The following LRRC75A variants were observed in gnomAD, a reference collection of about 807,000 sequenced individuals.
LRRC75A encodes the protein leucine-rich repeat-containing protein 75A.
Under a neutral mutation model 26.0 loss-of-function variants are expected in LRRC75A, and 12 were observed. That is an observed-to-expected ratio of 0.46 (90% CI 0.30 to 0.75). LRRC75A has a LOEUF of 0.75. Among genes scored for constraint, LRRC75A ranks in the 30% least tolerant of loss-of-function variants. The pLI, the probability that LRRC75A is intolerant of heterozygous loss-of-function variation, is 0.08. For missense variants in LRRC75A, 410 were observed against 486.6 expected (o/e 0.84, Z 1.48); for synonymous variants, 223 against 219.3 (o/e 1.02, Z -0.15).
At chr17:16,475,361 C>G (rs1299875889) in intron 1 of LRRC75A, among the ~76,000 whole-genome samples, 1 of 152,132 alleles carries the variant, frequency 6.6e-6, no homozygotes, top group Non-Finnish European at 1.5e-5. Context: ...AAGGAATTGG[C>G]TCACATGATT....
intron 2 of LRRC75A, among the ~76,000 whole-genome samples, chr17:16,452,494 G>A (rs2093641056): frequency 6.6e-6 from 1 of 151,758 alleles, no homozygotes; most frequent in African/African-American, 2.4e-5. Context: ...CTGGAGTGCA[G>A]TGGCGCGGTC....
intron 2 of LRRC75A, among the ~76,000 whole-genome samples, chr17:16,455,159 C>T (rs932564289): frequency 8.5e-5 from 13 of 152,050 alleles, no homozygotes; most frequent in African/African-American, 3.1e-4. Flanking sequence ...TCTTGAACTC[C>T]TGACCTCAGA....
rs373456712 is a variant in LRRC75A, at chr17:16,462,366, G to T, written c.267C>A (p.Thr89=). 5 of 1,613,992 alleles carry T rather than the reference G, an allele frequency of 3.1e-6. No individual in the cohort carries two copies. Among genetic ancestry groups the T allele is most frequent in the Non-Finnish European group, 4.2e-6 (5 of 1,180,032 alleles). The part of the protein sequence containing the change: ...HLRQDLGMES[T]SLDDVLYRYA... ...AGCGATACAGAACGTCGTCTAGCGAGGTCGACTCCATGCCCAGGTCCTGCA... is the reference window on the plus strand; with the variant it reads ...AGCGATACAGAACGTCGTCTAGCGATGTCGACTCCATGCCCAGGTCCTGCA... The change falls in exon 2 of 4, where the codon ACC becomes ACA. Residue 89 remains threonine, a synonymous_variant. Coordinates refer to ENST00000470794, the MANE Select transcript of LRRC75A (RefSeq NM_001113567.3). This position sits in a 1 kb window ranked among gnomAD's most constrained non-coding sequence, Gnocchi z 4.6.
chr17:16,471,711 CCTTTAAA>C (rs1403591313), intron 1 of LRRC75A, among the ~76,000 whole-genome samples: 1 of 152,142 alleles, frequency 6.6e-6, no homozygotes, highest in Non-Finnish European at 1.5e-5. Context: ...TGGGAAAGAA[CCTTTAAA>C]AACAGGTGAT....
chr17:16,486,181 G>A (rs926810804), intron 1 of LRRC75A, among the ~76,000 whole-genome samples: 6 of 152,178 alleles, frequency 3.9e-5, no homozygotes, highest in African/African-American at 1.2e-4. Context: ...ATGACACTGG[G>A]GGGAGGGGAG....
At chr17:16,479,164 G>T (rs1445551920) in intron 1 of LRRC75A, among the ~76,000 whole-genome samples, 1 of 152,248 alleles carries the variant, frequency 6.6e-6, no homozygotes, top group African/African-American at 2.4e-5. Flanking sequence ...GATTCTGTCT[G>T]ATCCTCTTTG....
intron 1 of LRRC75A, among the ~76,000 whole-genome samples, chr17:16,476,840 G>A (rs761198584): frequency 4.6e-4 from 68 of 146,602 alleles, no homozygotes; most frequent in Non-Finnish European, 7.7e-4. Context: ...CCGGGTTCAC[G>A]CCATTCTCCT....
At chr17:16,456,041 C>T (rs765002518) in intron 2 of LRRC75A, among the ~76,000 whole-genome samples, 2 of 81,994 alleles carry the variant, frequency 2.4e-5, no homozygotes, top group African/African-American at 4.9e-5. Context: ...AGGTGGGGAA[C>T]GGGGGGAGGG....
intron 1 of LRRC75A, among the ~76,000 whole-genome samples, chr17:16,488,449 T>C (rs1375715560): frequency 6.6e-6 from 1 of 152,182 alleles, no homozygotes; most frequent in African/African-American, 2.4e-5. Context: ...CCAAAGTGAG[T>C]AAGGCAGATT....
intron 1 of LRRC75A, among the ~76,000 whole-genome samples, chr17:16,485,679 T>TGTGTGTGTTC (rs1568988024): frequency 1.4e-5 from 2 of 138,328 alleles, no homozygotes; most frequent in South Asian, 2.2e-4. Context: ...TTCGTGTGTG[T>TGTGTGTGTTC]GTGTGTGTGT....
In LRRC75A at chr17:16,458,488, G is replaced by A. The variant is rs549226218; in HGVS notation, c.375+3770C>T. Among the ~76,000 whole-genome samples, 23 of 150,390 alleles carry A rather than the reference G, an allele frequency of 1.5e-4. No homozygotes were observed. In the East Asian group the frequency reaches 3.7e-3, roughly 24 times the overall value. ...GCCAACTTCTTTTTTTTTTTGAGAC[G>A]GAGTTTCGCTCTTGTTGCCCAGGCT... On this transcript the variant is annotated intron_variant, in intron 2 of 3. Coordinates refer to ENST00000470794, the MANE Select transcript of LRRC75A (RefSeq NM_001113567.3).
intron 1 of LRRC75A, among the ~76,000 whole-genome samples, chr17:16,479,780 G>C (rs1263471149): frequency 1.3e-5 from 2 of 152,212 alleles, no homozygotes; most frequent in Non-Finnish European, 2.9e-5. Flanking sequence ...CCTGCTCTCT[G>C]CTTCCTCCAA....
chr17:16,461,316 C>A (rs1432548521), intron 2 of LRRC75A: 1 of 152,314 alleles, frequency 6.6e-6, no homozygotes, highest in African/African-American at 2.4e-5. Context: ...TCCCACACCC[C>A]TTCGTCCTGC....
chr17:16,450,709 C>T (rs2093624416), intron 2 of LRRC75A, among the ~76,000 whole-genome samples: 1 of 152,148 alleles, frequency 6.6e-6, no homozygotes, highest in African/African-American at 2.4e-5. Context: ...AGGAGCTGGT[C>T]ATGGGGGCTG....
chr17:16,491,834 G>A lies in LRRC75A; in HGVS notation c.157C>T (p.Arg53Trp). Reference protein sequence around the residue: ...RAGAGMPPYHRRVGMVQELLR... With the variant: ...RAGAGMPPYHWRVGMVQELLR... ...AGCTCCTGGACCATGCCGACTCGCC[G>A]GTGGTAGGGGGGCATCCCCGCGCCC... The change falls in exon 1 of 4, where the codon CGG becomes TGG. Residue 53 changes from arginine (R) to tryptophan (W), a missense_variant. By Grantham distance (101) the Arg-to-Trp change is moderately radical (BLOSUM62 -3). Transcript: ENST00000470794. This position sits in a 1 kb window ranked among gnomAD's most constrained non-coding sequence, Gnocchi z 5.9. The A allele has an allele frequency of 7.1e-7, 1 of 1,404,778 alleles. No homozygotes were observed. Among genetic ancestry groups the A allele is most frequent in the Non-Finnish European group, 9.3e-7 (1 of 1,075,950 alleles). The allele number at this position is 1,404,778 out of a possible 1,614,324, so 87.0% of individuals were successfully genotyped here. A position where few individuals can be genotyped will look rare whatever the true frequency, so the allele number is the denominator to read the frequency against.
chr17:16,478,144 A>G (rs116747106), intron 1 of LRRC75A, among the ~76,000 whole-genome samples: 2,138 of 149,524 alleles, frequency 0.014, 42 homozygotes, highest in African/African-American at 0.05. Context: ...CAGGTCCCCA[A>G]CCAGCTGCCC....
intron 1 of LRRC75A, among the ~76,000 whole-genome samples, chr17:16,474,425 GTATTTCCCAGATT>G (rs1313553798): frequency 6.6e-6 from 1 of 152,204 alleles, no homozygotes; most frequent in East Asian, 1.9e-4. Flanking sequence ...GGCATTTGCA[GTATTTCCCAGATT>G]TATTTCCCAA....
rs945393602 is a variant in LRRC75A at position 16,450,061 on chromosome 17, TGAA to T, written c.376-2104_376-2102del. ...GGTGTGTTACTGACATGAGGGCAGG[TGAA>T]GGCCTGGGGCCTGATCACATCTGGT... On this transcript the variant is annotated intron_variant, in intron 2 of 3. Transcript: ENST00000470794. Among the ~76,000 whole-genome samples the T allele has an allele frequency of 2.0e-3, 191 of 96,642 alleles. 1 individual carries two copies. Among genetic ancestry groups the T allele is most frequent in the African/African-American group, 5.4e-3 (177 of 32,830 alleles). The allele number at this position is 96,642 out of a possible 152,430, so 63.4% of individuals were successfully genotyped here.
intron 1 of LRRC75A, among the ~76,000 whole-genome samples, chr17:16,473,012 G>A (rs2093811315): frequency 6.6e-6 from 1 of 152,156 alleles, no homozygotes; most frequent in Non-Finnish European, 1.5e-5. Context: ...AAATGGACTA[G>A]ATTCGTGAGG....
Sources: allele counts gnomAD v4.1 joint callset (sites outside exome capture counted in the v4.1 genomes callset), GRCh38; gene constraint gnomAD v4.1.1; non-coding constraint Gnocchi (gnomAD v3.1); transcripts MANE v1.5; gene names NCBI Gene and HGNC (gene_info 2026-07-23, HGNC 2026-07-21).